LY75: variants seen among roughly 807,000 people sequenced by gnomAD.
The protein encoded by LY75 is lymphocyte antigen 75, also known as C-type lectin domain family 13 member B.
A neutral mutation model predicts 231.7 loss-of-function variants in LY75; 185 were observed. The ratio of observed to expected loss-of-function variants is 0.80; its 90% CI spans 0.71 to 0.90. The LOEUF (loss-of-function observed/expected upper bound fraction) is 0.90, where lower values mean the gene tolerates loss of function less well. Among genes scored for constraint, LY75 ranks in the 40% least tolerant of loss-of-function variants. The pLI, the probability that LY75 is intolerant of heterozygous loss-of-function variation, is 0.00. For synonymous variants in LY75, 668 were observed against 689.0 expected, an observed-to-expected ratio of 0.97 and a Z score of 0.48; for missense variants, 1,947 against 2,050.2, an observed-to-expected ratio of 0.95 and a Z score of 0.97.
intron 28 of LY75, among the ~76,000 whole-genome samples, chr2:159,827,184 G>A (rs1683498655): frequency 6.6e-6 from 1 of 152,134 alleles, no homozygotes; most frequent in Non-Finnish European, 1.5e-5. Context: ...CATACAAAAT[G>A]AGAGAAAATT....
chr2:159,856,540 G>A (rs976048659), intron 16 of LY75, among the ~76,000 whole-genome samples: 2 of 152,126 alleles, frequency 1.3e-5, no homozygotes, highest in African/African-American at 4.8e-5. Flanking sequence ...TATCCAACCA[G>A]CTGAATGCAT....
chr2:159,808,367 A>G (rs1175415681), intron 33 of LY75, 82 bp downstream of exon 33: 11 of 1,606,884 alleles, frequency 6.8e-6, no homozygotes, highest in Non-Finnish European at 9.3e-6. Context: ...CCACTACTTA[A>G]CATTCTTTAG....
intron 31 of LY75, among the ~76,000 whole-genome samples, chr2:159,814,424 G>C (rs1025866406): frequency 6.6e-6 from 1 of 152,120 alleles, no homozygotes; most frequent in South Asian, 2.1e-4. Flanking sequence ...TGAAACAGGA[G>C]GATTGTTTGA....
intron 24 of LY75, 87 bp from the exon 25 acceptor site, chr2:159,841,042 ACTAAT>A: frequency 6.5e-7 from 1 of 1,540,522 alleles, no homozygotes; most frequent in Non-Finnish European, 8.7e-7. Context: ...TTCTCCCCAT[ACTAAT>A]CTAATTTAGA....
At chr2:159,904,405 C>A (rs966692550) in intron 1 of LY75, among the ~76,000 whole-genome samples, 184 bp downstream of exon 1, 2 of 152,254 alleles carry the variant, frequency 1.3e-5, no homozygotes, top group African/African-American at 2.4e-5. Context: ...CCCGAGGGCA[C>A]TGGGGCGCTT....
In LY75 at chr2:159,864,898, C is replaced by T; in HGVS notation, c.2140G>A (p.Gly714Ser). 6.2e-7 allele frequency: 1 copy of T among 1,603,934 alleles called. No homozygotes were observed. The change falls in exon 14 of 35, where the codon GGT (glycine) becomes AGT (serine). Residue 714 changes from glycine to serine, a missense_variant. Coordinates refer to ENST00000263636, the MANE Select transcript of LY75 (RefSeq NM_002349.4). ...AAATCTGGGCTCCTTTTATTCAAAC[C>T]AATCCACAGCCAATGCTGGCCACTA... The part of the protein sequence containing the change: ...QFSGQHWLWI[G>S]LNKRSPDLQG...
rs1685331186 is a variant in LY75, at chr2:159,878,301, A to G, written c.1774+23T>C. The stretch of plus-strand genomic sequence containing the variant: ...CTTTCACTAGTCACAGTATACTACT[A>G]CTTCAAAGATTAAGACACTCACCTG... On this transcript the variant is annotated intron_variant, in intron 11 of 34. Coordinates refer to ENST00000263636, the MANE Select transcript of LY75 (RefSeq NM_002349.4). The G allele has an allele frequency of 4.3e-6, 7 of 1,610,746 alleles. No homozygotes were observed. The South Asian group carries it at 7.7e-5, about 18-fold the overall frequency.
intron 15 of LY75, among the ~76,000 whole-genome samples, chr2:159,859,740 C>G (rs935487144): frequency 6.6e-6 from 1 of 152,158 alleles, no homozygotes; most frequent in Non-Finnish European, 1.5e-5. Context: ...GTAAATTACT[C>G]ACAGCTCAAA....
intron 3 of LY75, among the ~76,000 whole-genome samples, chr2:159,891,560 C>T (rs3792200): frequency 0.023 from 3,425 of 152,192 alleles, 171 homozygotes; most frequent in East Asian, 0.2. Flanking sequence ...GTTTGAGAAA[C>T]TTTCTCTTGC....
rs541316936 is a variant in LY75, at chr2:159,813,757, G to T, written c.4549+1648C>A. Reference sequence around the variant, plus strand: ...TTTCTCAGTAAAGTCACATTCTAAGGTTCTGACTGGACGGGAATCTTTGGG... The same window carrying T: ...TTTCTCAGTAAAGTCACATTCTAAGTTTCTGACTGGACGGGAATCTTTGGG... On this transcript the variant is annotated intron_variant, in intron 31 of 34. Coordinates refer to ENST00000263636, the MANE Select transcript of LY75 (RefSeq NM_002349.4). 3 of 152,312 alleles carry T rather than the reference G, an allele frequency of 2.0e-5. No individual in the cohort carries two copies. The South Asian group carries it at 6.2e-4, about 32-fold the overall frequency. The allele number at this position is 152,312 out of a possible 1,614,324, so 9.4% of individuals were successfully genotyped here.
At chr2:159,819,157 G>C (rs1057372992) in intron 29 of LY75, among the ~76,000 whole-genome samples, 3 of 152,186 alleles carry the variant, frequency 2.0e-5, no homozygotes, top group South Asian at 2.1e-4. Context: ...AGTGAGCAGG[G>C]AGCTTTGGGC....
At chr2:159,887,206 G>A (rs1301839874) in intron 4 of LY75, among the ~76,000 whole-genome samples, 1 of 73,268 alleles carries the variant, frequency 1.4e-5, no homozygotes, top group Non-Finnish European at 3.3e-5. Context: ...GAATGAGAGT[G>A]AGAGTCACAC....
intron 12 of LY75, among the ~76,000 whole-genome samples, chr2:159,874,982 AAT>A (rs530393544): frequency 0.019 from 2,723 of 140,056 alleles, 54 homozygotes; most frequent in Non-Finnish European, 0.032. Context: ...ATATATTGTA[AAT>A]ATGTTTATAA....
At chr2:159,869,949 A>G (rs545864940) in intron 13 of LY75, among the ~76,000 whole-genome samples, 2 of 152,332 alleles carry the variant, frequency 1.3e-5, no homozygotes, top group African/African-American at 4.8e-5. Flanking sequence ...TATTTAGTAT[A>G]TACAAATTGC....
At chr2:159,882,868 C>A (rs1377257414) in intron 6 of LY75, among the ~76,000 whole-genome samples, 1 of 152,006 alleles carries the variant, frequency 6.6e-6, no homozygotes, top group Non-Finnish European at 1.5e-5. Context: ...GCAAAGGTTA[C>A]CCCTGGACTT....
chr2:159,831,936 T>C, intron 27 of LY75, 150 bp from the exon 28 acceptor site: 2 of 657,272 alleles, frequency 3.0e-6, no homozygotes, highest in Non-Finnish European at 4.8e-6. Context: ...AATAAAATTA[T>C]CCCATTGTAC....
intron 7 of LY75, among the ~76,000 whole-genome samples, chr2:159,881,668 TAGG>T (rs1685439892): frequency 2.0e-5 from 3 of 152,202 alleles, no homozygotes; most frequent in Admixed American, 1.3e-4. Context: ...AGTTCTATTC[TAGG>T]AAGAGATCAT....
intron 28 of LY75, among the ~76,000 whole-genome samples, chr2:159,824,737 A>C (rs1683406522): frequency 6.6e-6 from 1 of 152,228 alleles, no homozygotes; most frequent in Non-Finnish European, 1.5e-5. Flanking sequence ...AAGCAAAAGC[A>C]AAAGAATGGA....
intron 28 of LY75, among the ~76,000 whole-genome samples, chr2:159,826,328 C>A (rs769833783): frequency 6.6e-6 from 1 of 152,124 alleles, no homozygotes; most frequent in South Asian, 2.1e-4. Context: ...AAATAGAGAG[C>A]CAAATCATGA....
Sources: allele counts gnomAD v4.1 joint callset (sites outside exome capture counted in the v4.1 genomes callset), GRCh38; gene constraint gnomAD v4.1.1; transcripts MANE v1.5; gene names NCBI Gene and HGNC (gene_info 2026-07-23, HGNC 2026-07-21).